The following KIF1B variants were observed in gnomAD, a reference collection of about 807,000 sequenced individuals.
KIF1B encodes the protein kinesin family member 1B.
KIF1B carries 76 observed loss-of-function variants against 241.9 expected under a neutral mutation model. The ratio of observed to expected loss-of-function variants is 0.31; its 90% CI spans 0.26 to 0.38. The LOEUF (loss-of-function observed/expected upper bound fraction) is 0.38. KIF1B is among the 10% of genes least tolerant of loss of function. The pLI is 1.00. For missense variants in KIF1B, 1,622 were observed against 2,271.4 expected (o/e 0.71, Z 5.81); for synonymous variants, 750 against 796.7 (o/e 0.94, Z 0.99).
intron 44 of KIF1B, among the ~76,000 whole-genome samples, chr1:10,369,524 T>C (rs1033846313): frequency 6.6e-6 from 1 of 152,228 alleles, no homozygotes; most frequent in Non-Finnish European, 1.5e-5. Context: ...TAGTCCTAGC[T>C]ACTCAGGAGG....
chr1:10,375,795 T>G (rs1252083670), intron 48 of KIF1B, among the ~76,000 whole-genome samples: 9 of 130,402 alleles, frequency 6.9e-5, no homozygotes, highest in African/African-American at 2.7e-4. Flanking sequence ...TGTTTTTTTT[T>G]TTTTTTTTTT....
At chr1:10,244,315 CTTT>C (rs571243520) in intron 2 of KIF1B, among the ~76,000 whole-genome samples, 2 of 127,524 alleles carry the variant, frequency 1.6e-5, no homozygotes, top group Admixed American at 8.1e-5. Flanking sequence ...TTTTTCTTTT[CTTT>C]TTTTTTTTTT....
chr1:10,330,206 G>A (rs1651871252), intron 27 of KIF1B, among the ~76,000 whole-genome samples: 1 of 152,152 alleles, frequency 6.6e-6, no homozygotes. Flanking sequence ...AAAAGCTTCA[G>A]AATAGAATGT....
chr1:10,296,815 A>G (rs1479467623), intron 20 of KIF1B, 82 bp from the exon 21 acceptor site: 2 of 1,396,166 alleles, frequency 1.4e-6, no homozygotes, highest in Non-Finnish European at 1.0e-6. Context: ...GTCTTTTCAC[A>G]TTAGGGAGGG....
intron 22 of KIF1B, 47 bp from the exon 23 acceptor site, chr1:10,319,996 C>T (rs770895498): frequency 2.3e-6 from 3 of 1,277,906 alleles, no homozygotes; most frequent in Non-Finnish European, 3.4e-6. Flanking sequence ...TCCCTGCCCT[C>T]TTATTTCTTC....
At chr1:10,372,627 G>A (rs1452175867) in intron 45 of KIF1B, among the ~76,000 whole-genome samples, 1 of 134,020 alleles carries the variant, frequency 7.5e-6, no homozygotes, top group Admixed American at 7.3e-5. Context: ...GCAGTGAGCC[G>A]AGATTGCGCC....
intron 1 of KIF1B, among the ~76,000 whole-genome samples, chr1:10,225,815 T>C (rs1646901777): frequency 6.6e-6 from 1 of 152,130 alleles, no homozygotes; most frequent in Admixed American, 6.6e-5. Flanking sequence ...CAGAACACTT[T>C]GAATGCCATT....
chr1:10,327,225 G>A (rs989464633), intron 27 of KIF1B, among the ~76,000 whole-genome samples: 8 of 152,012 alleles, frequency 5.3e-5, no homozygotes, highest in Non-Finnish European at 8.8e-5. Flanking sequence ...ATTAGGCTGG[G>A]TGTGGTGGCT....
chr1:10,291,202 G>T, intron 16 of KIF1B, 41 bp downstream of exon 16: 1 of 1,282,768 alleles, frequency 7.8e-7, no homozygotes, highest in South Asian at 1.2e-5. Context: ...AAGTTTTCTA[G>T]GGGATGTGGA....
rs907773905 is a variant in KIF1B, at chr1:10,293,435, C to T, written c.1590+1313C>T. Among the ~76,000 whole-genome samples the T allele has an allele frequency of 2.0e-3, 292 of 143,046 alleles. 1 individual carries two copies. Among genetic ancestry groups the T allele is most frequent in the African/African-American group, 7.2e-3 (279 of 39,018 alleles). 93.8% of individuals were successfully genotyped at this position (143,046 alleles called of 152,430 possible). ...TTTTTGAGACAGAGTCTCACTCTGT[C>T]GCCAGGCTGGACTGCAGTGGTGTGA... On this transcript the variant is annotated intron_variant, in intron 17 of 48. Transcript: ENST00000676179.
chr1:10,267,679 T>G (rs1284021702), intron 6 of KIF1B, 121 bp downstream of exon 6: 1 of 857,926 alleles, frequency 1.2e-6, no homozygotes, highest in Non-Finnish European at 1.9e-6. Context: ...TGGAGTCCTC[T>G]GATCCTTTGA....
At chr1:10,257,216 C>A (rs1647841949) in intron 3 of KIF1B, among the ~76,000 whole-genome samples, 1 of 151,288 alleles carries the variant, frequency 6.6e-6, no homozygotes, top group Admixed American at 6.6e-5. Flanking sequence ...GAGTGAGCCA[C>A]CGTGCCTGGC....
intron 22 of KIF1B, chr1:10,304,439 A>G (rs1458124835): frequency 6.2e-7 from 1 of 1,612,396 alleles, no homozygotes; most frequent in Non-Finnish European, 8.5e-7. Flanking sequence ...GCTGATGTAC[A>G]GACTTTCCAG....
chr1:10,324,174 T>C, intron 25 of KIF1B, 112 bp downstream of exon 25: 1 of 1,068,054 alleles, frequency 9.4e-7, no homozygotes, highest in Non-Finnish European at 1.4e-6. Context: ...CTTACTTCCC[T>C]GTACTTTCTA....
intron 22 of KIF1B, among the ~76,000 whole-genome samples, chr1:10,316,328 A>G (rs1651303680): frequency 6.6e-6 from 1 of 151,642 alleles, no homozygotes; most frequent in African/African-American, 2.4e-5. Flanking sequence ...CCTATTATCA[A>G]TAATGTTAAA....
intron 12 of KIF1B, among the ~76,000 whole-genome samples, chr1:10,277,254 C>T (rs988872742): frequency 2.0e-5 from 3 of 150,974 alleles, no homozygotes; most frequent in African/African-American, 4.9e-5. Flanking sequence ...GAGGCCAGCC[C>T]AGGCAACGTA....
intron 5 of KIF1B, among the ~76,000 whole-genome samples, chr1:10,263,583 A>G (rs1200157795): frequency 6.6e-6 from 1 of 152,168 alleles, no homozygotes; most frequent in Non-Finnish European, 1.5e-5. Context: ...AAGGTGTTGC[A>G]TAAATATGTA....
chr1:10,376,131 T>A (rs1188030846), intron 48 of KIF1B, among the ~76,000 whole-genome samples: 1 of 152,086 alleles, frequency 6.6e-6, no homozygotes, highest in East Asian at 1.9e-4. Flanking sequence ...AAAATAAATT[T>A]AAAAGAGAGG....
intron 22 of KIF1B, chr1:10,306,106 C>T (rs1239834608): frequency 9.6e-7 from 1 of 1,040,754 alleles, no homozygotes; most frequent in East Asian, 5.8e-5. Context: ...TTTTTCTTTG[C>T]CTCTAAGAAA....
Sources: gnomAD v4.1 joint callset for allele counts (sites outside exome capture counted in the v4.1 genomes callset) on GRCh38, gnomAD v4.1.1 for gene constraint, MANE v1.5 for transcripts, NCBI Gene and HGNC (gene_info 2026-07-23, HGNC 2026-07-21) for gene names.